Variants in MLYCD observed in about 807,000 individuals in gnomAD.
MLYCD encodes malonyl-CoA decarboxylase, mitochondrial.
MLYCD carries 27 observed loss-of-function variants against 35.8 expected under a neutral mutation model. The observed-to-expected ratio is 0.75, with a 90% CI of 0.56 to 1.04. The LOEUF (loss-of-function observed/expected upper bound fraction) is 1.04. Ranked by LOEUF, MLYCD falls within the 50% of genes least tolerant of loss-of-function variation. MLYCD has a pLI of 0.00. For synonymous variants in MLYCD, 403 were observed against 302.4 expected (o/e 1.33, Z -3.45); for missense variants, 917 against 665.1 (o/e 1.38, Z -4.17).
intron 1 of MLYCD, among the ~76,000 whole-genome samples, chr16:83,905,076 C>G (rs926039775): frequency 1.3e-5 from 2 of 152,192 alleles, no homozygotes; most frequent in Non-Finnish European, 2.9e-5. Context: ...TCCTTTCACC[C>G]TTTAACAGGG....
In MLYCD at chr16:83,915,002, C is replaced by G. The variant is rs370002912; in HGVS notation, c.995C>G (p.Pro332Arg). The G allele has an allele frequency of 1.9e-6, 3 of 1,614,246 alleles. No individual in the cohort carries two copies. Among genetic ancestry groups the G allele is most frequent in the South Asian group, 1.1e-5 (1 of 91,088 alleles). Residue 332 changes from proline (P) to arginine (R), a missense_variant, in exon 5 of 5, where the codon CCT becomes CGT. Physicochemically the swap from Pro to Arg is moderately radical, Grantham distance 103. Transcript: ENST00000262430. ...GTGTTTTCAAGTCTGTCACCTATAC[C>G]TGGTTTCACCAAATGGCTTCTGGGG... ...LGVFSSLSPI[P>R]GFTKWLLGLL...
At chr16:83,901,682 T>C (rs1597287355) in intron 1 of MLYCD, among the ~76,000 whole-genome samples, 2 of 152,292 alleles carry the variant, frequency 1.3e-5, no homozygotes, top group African/African-American at 4.8e-5. Context: ...TATCGCGTCA[T>C]TGGGAAGGAA....
chr16:83,911,329 C>T (rs1255474110), intron 3 of MLYCD, among the ~76,000 whole-genome samples: 2 of 152,222 alleles, frequency 1.3e-5, no homozygotes, highest in South Asian at 2.1e-4. Flanking sequence ...ACTACGAGAC[C>T]TCATCTATGC....
chr16:83,899,136 T>C lies in MLYCD; in HGVS notation c.-9T>C, dbSNP rs1213570635. ...CGGCGCTCCCCCTCGGCAGCTGTTG[T>C]GGGGCACCATGCGAGGCTTCGGGCC... is the stretch of plus-strand genomic sequence containing the variant. On this transcript the variant is annotated 5_prime_UTR_variant, in exon 1 of 5. Transcript: ENST00000262430. 1 of 1,128,670 alleles carries C rather than the reference T, an allele frequency of 8.9e-7. No individual in the cohort carries two copies. The highest frequency in any genetic ancestry group is 3.8e-5 in the South Asian group (1 of 26,384). The allele number at this position is 1,128,670 out of a possible 1,614,324, so 69.9% of individuals were successfully genotyped here. A position where few individuals can be genotyped will look rare whatever the true frequency, so the allele number is the denominator to read the frequency against.
At chr16:83,902,155 G>A (rs868658116) in intron 1 of MLYCD, among the ~76,000 whole-genome samples, 6,459 of 87,058 alleles carry the variant, frequency 0.074, 232 homozygotes, top group Non-Finnish European at 0.1. Flanking sequence ...GTGTGCGTGC[G>A]TATATATATA....
rs1486764446 is a variant in MLYCD, at chr16:83,923,184, C to A, written c.*7695C>A. ...TTGCTCCCAAGAGGGCTTCCCTCCT[C>A]CTCGTTCTGTGTGGCCTCAGAAGTG... On this transcript the variant is annotated 3_prime_UTR_variant, in exon 5 of 5. Transcript: ENST00000262430. 6.6e-6 allele frequency: 1 copy of A among 152,296 alleles called. No homozygotes were observed. The highest frequency in any genetic ancestry group is 1.9e-4 in the East Asian group (1 of 5,198). 9.4% of individuals were successfully genotyped at this position (152,296 alleles called of 1,614,324 possible). A position where few individuals can be genotyped will look rare whatever the true frequency, so the allele number is the denominator to read the frequency against.
At chr16:83,904,000 A>G (rs1906887314) in intron 1 of MLYCD, among the ~76,000 whole-genome samples, 1 of 152,162 alleles carries the variant, frequency 6.6e-6, no homozygotes, top group Non-Finnish European at 1.5e-5. Flanking sequence ...CGGTGTTAGA[A>G]CTGAGCAACG....
At position 83,918,683 on chromosome 16, in the gene MLYCD, T is replaced by G. The variant is rs1237141383; in HGVS notation, c.*3194T>G. On this transcript the variant is annotated 3_prime_UTR_variant, in exon 5 of 5. Coordinates refer to ENST00000262430, the MANE Select transcript of MLYCD (RefSeq NM_012213.3). The stretch of plus-strand genomic sequence containing the variant: ...ACACAGTGCACAGGAGAATACAGAC[T>G]GCACAGAACACACGCACAGTGCACA... 7.9e-6 allele frequency: 1 copy of G among 127,230 alleles called. No homozygotes were observed. The highest frequency in any genetic ancestry group is 1.6e-5 in the Non-Finnish European group (1 of 62,222). 7.9% of individuals were successfully genotyped at this position (127,230 alleles called of 1,614,324 possible).
At chr16:83,907,665 A>G (rs779163942) in intron 2 of MLYCD, among the ~76,000 whole-genome samples, 15 of 152,192 alleles carry the variant, frequency 9.9e-5, no homozygotes, top group Non-Finnish European at 1.9e-4. Context: ...AATGTAACCA[A>G]TTCAATTCAA....
Position 83,919,516 on chromosome 16 carries a change from C to G in MLYCD, c.*4027C>G, listed in dbSNP as rs1195668251. 1 of 151,996 alleles carries G rather than the reference C, an allele frequency of 6.6e-6. No homozygotes were observed. Among genetic ancestry groups the G allele is most frequent in the African/African-American group, 2.5e-5 (1 of 40,752 alleles). The allele number at this position is 151,996 out of a possible 1,614,324, so 9.4% of individuals were successfully genotyped here. On this transcript the variant is annotated 3_prime_UTR_variant, in exon 5 of 5. Transcript: ENST00000262430. ...GAGAGAACACACAGTGCACAGAACA[C>G]ACAGGGCACAGGAGAACACACAGTG...
At position 83,915,578 on chromosome 16, in the gene MLYCD, C is replaced by T. The variant is rs973079711; in HGVS notation, c.*89C>T. 1.9e-6 allele frequency: 3 copies of T among 1,552,548 alleles called. No homozygotes were observed. The highest frequency in any genetic ancestry group is 1.4e-5 in the African/African-American group (1 of 73,996). ...GGAGTTATGTATCTGAAGCAGCTTT[C>T]CAAGCAAAGCCAAAGTTGACTGTGT... On this transcript the variant is annotated 3_prime_UTR_variant, in exon 5 of 5. Transcript: ENST00000262430.
chr16:83,913,450 C>T (rs1567636165), intron 4 of MLYCD: 1 of 152,266 alleles, frequency 6.6e-6, no homozygotes. Context: ...TTAACTGCCC[C>T]TGGGCGGCCA....
At chr16:83,899,696 C>T (rs1007257950) in intron 1 of MLYCD, 24 bp downstream of exon 1, 6 of 1,491,950 alleles carry the variant, frequency 4.0e-6, no homozygotes, top group African/African-American at 1.4e-5. Flanking sequence ...GTCGATCCCC[C>T]GGCAGCGCGG....
chr16:83,907,796 A>G (rs11649200), intron 2 of MLYCD, among the ~76,000 whole-genome samples: 34,586 of 152,062 alleles, frequency 0.23, 4,747 homozygotes, highest in African/African-American at 0.39. Flanking sequence ...CAGAGATCCC[A>G]AGGAAAGAAA....
At position 83,907,447 on chromosome 16, in the gene MLYCD, G is replaced by A. The variant is rs908922613; in HGVS notation, c.641+348G>A. Among the ~76,000 whole-genome samples, 15 of 152,284 alleles carry A rather than the reference G, an allele frequency of 9.9e-5. No homozygotes were observed. In the South Asian group the frequency reaches 2.3e-3, roughly 23 times the overall value. Reference sequence around the variant, plus strand: ...CTCACTGGACCAAGCGTTTGCATTCGTAATCAAAACAGTATTTAGCCCACC... The same window carrying A: ...CTCACTGGACCAAGCGTTTGCATTCATAATCAAAACAGTATTTAGCCCACC... On this transcript the variant is annotated intron_variant, in intron 2 of 4. Coordinates refer to ENST00000262430, the MANE Select transcript of MLYCD (RefSeq NM_012213.3).
rs959141749 is a variant in MLYCD, at chr16:83,901,199, T to G, written c.528+1527T>G. Among the ~76,000 whole-genome samples the G allele has an allele frequency of 2.6e-5, 4 of 152,218 alleles. No homozygotes were observed. In the South Asian group the frequency reaches 8.3e-4, roughly 32 times the overall value. On this transcript the variant is annotated intron_variant, in intron 1 of 4. Transcript: ENST00000262430. ...TGCATGACACAGAATCAGTCATGAATTCTTACTGTGTTGAATTATCATGTT... is the reference window on the plus strand; with the variant it reads ...TGCATGACACAGAATCAGTCATGAAGTCTTACTGTGTTGAATTATCATGTT...
chr16:83,900,325 C>T (rs1207794097), intron 1 of MLYCD, among the ~76,000 whole-genome samples: 1 of 152,174 alleles, frequency 6.6e-6, no homozygotes, highest in Non-Finnish European at 1.5e-5. Context: ...TAAATGCAGA[C>T]ACATACTTTG....
At chr16:83,907,328 G>C (rs1164872365) in intron 2 of MLYCD, among the ~76,000 whole-genome samples, 1 of 152,184 alleles carries the variant, frequency 6.6e-6, no homozygotes, top group East Asian at 1.9e-4. Flanking sequence ...GTCTGTCAGT[G>C]ACCTGCGTGT....
At chr16:83,908,822 C>A (rs535097133) in intron 3 of MLYCD, among the ~76,000 whole-genome samples, 2 of 152,202 alleles carry the variant, frequency 1.3e-5, no homozygotes, top group Admixed American at 6.5e-5. Flanking sequence ...CTGAAACACT[C>A]CTGCAGGCCC....
Sources: gnomAD v4.1 joint callset for allele counts (sites outside exome capture counted in the v4.1 genomes callset) on GRCh38, gnomAD v4.1.1 for gene constraint, MANE v1.5 for transcripts, NCBI Gene and HGNC (gene_info 2026-07-23, HGNC 2026-07-21) for gene names.